Variants in ADAMTSL1 observed in about 807,000 individuals in gnomAD.
ADAMTSL1 encodes the protein ADAMTS-like protein 1.
Under a neutral mutation model 201.8 loss-of-function variants are expected in ADAMTSL1, and 126 were observed. That is an observed-to-expected ratio of 0.62 (90% CI 0.54 to 0.72). The LOEUF is 0.72. Among genes scored for constraint, ADAMTSL1 ranks in the 30% least tolerant of loss-of-function variants. ADAMTSL1 has a pLI of 0.00. For missense variants in ADAMTSL1, 2,679 were observed against 2,277.8 expected, an observed-to-expected ratio of 1.18 and a Z score of -3.59; for synonymous variants, 1,121 against 903.4, an observed-to-expected ratio of 1.24 and a Z score of -4.32.
chr9:18,717,842 C>G, intron 14 of ADAMTSL1: 1 of 703,028 alleles, frequency 1.4e-6, no homozygotes, highest in Non-Finnish European at 2.6e-6. Flanking sequence ...CTTTCATATG[C>G]TCTTAAAGGG....
intron 3 of ADAMTSL1, among the ~76,000 whole-genome samples, chr9:18,552,807 A>G (rs765656093): frequency 1.3e-5 from 2 of 151,488 alleles, no homozygotes; most frequent in Non-Finnish European, 3.0e-5. Context: ...TTTTTGCCTT[A>G]ATGTATAGTT....
At chr9:18,113,697 A>G (rs763974346) in intron 1 of ADAMTSL1, among the ~76,000 whole-genome samples, 7 of 152,266 alleles carry the variant, frequency 4.6e-5, no homozygotes, top group Non-Finnish European at 7.4e-5. Flanking sequence ...AAAATTAAAC[A>G]TCTAAATACT....
chr9:18,214,767 A>G (rs777953004), intron 2 of ADAMTSL1, among the ~76,000 whole-genome samples: 6 of 152,224 alleles, frequency 3.9e-5, no homozygotes, highest in Non-Finnish European at 8.8e-5. Flanking sequence ...AAAATATTTC[A>G]AAACATTTTA....
intron 1 of ADAMTSL1, among the ~76,000 whole-genome samples, chr9:17,914,488 C>G (rs1160413927): frequency 6.6e-6 from 1 of 152,144 alleles, no homozygotes; most frequent in Non-Finnish European, 1.5e-5. Flanking sequence ...ATGCTAAAAA[C>G]TCTCAATAAA....
At chr9:18,371,591 T>C (rs991524949) in intron 2 of ADAMTSL1, among the ~76,000 whole-genome samples, 3 of 152,236 alleles carry the variant, frequency 2.0e-5, no homozygotes, top group African/African-American at 7.2e-5. Flanking sequence ...TGAACATATA[T>C]TGTTAAACAC....
intron 5 of ADAMTSL1, among the ~76,000 whole-genome samples, chr9:18,625,741 A>G (rs760015152): frequency 2.6e-5 from 4 of 152,216 alleles, no homozygotes; most frequent in Middle Eastern, 3.2e-3. Flanking sequence ...CCTATTTGCT[A>G]TCAATTTGAT....
At chr9:18,195,153 G>T (rs1182397528) in intron 2 of ADAMTSL1, among the ~76,000 whole-genome samples, 1 of 152,098 alleles carries the variant, frequency 6.6e-6, no homozygotes, top group Non-Finnish European at 1.5e-5. Flanking sequence ...TTTGAGGAAT[G>T]AGGGGTCACA....
intron 1 of ADAMTSL1, among the ~76,000 whole-genome samples, chr9:18,133,061 C>G (rs1258979355): frequency 6.6e-6 from 1 of 152,020 alleles, no homozygotes; most frequent in Non-Finnish European, 1.5e-5. Flanking sequence ...GACTGTGGAG[C>G]CAGGGTTCAG....
At chr9:18,472,756 T>C (rs914005256), upstream of ADAMTSL1, among the ~76,000 whole-genome samples, 4 of 152,222 alleles carry the variant, frequency 2.6e-5, no homozygotes, top group Non-Finnish European at 5.9e-5. Context: ...TAATTCTAAA[T>C]GTCTTGTACC....
chr9:18,483,651 C>G (rs1456675976), intron 1 of ADAMTSL1, among the ~76,000 whole-genome samples: 1 of 152,066 alleles, frequency 6.6e-6, no homozygotes, highest in East Asian at 1.9e-4. Flanking sequence ...CACGGTGAAA[C>G]CCTATCTCTA....
intron 2 of ADAMTSL1, among the ~76,000 whole-genome samples, chr9:18,284,397 C>T (rs1832917921): frequency 6.6e-6 from 1 of 152,042 alleles, no homozygotes; most frequent in East Asian, 1.9e-4. Flanking sequence ...TTTTTTCTAC[C>T]ATTAGAACTT....
intron 7 of ADAMTSL1, 23 bp downstream of exon 7, chr9:18,639,434 C>G (rs1587766691): frequency 6.2e-7 from 1 of 1,601,198 alleles, no homozygotes; most frequent in African/African-American, 1.3e-5. Flanking sequence ...TAGATACCTC[C>G]TTTTCAAGCC....
intron 2 of ADAMTSL1, among the ~76,000 whole-genome samples, chr9:18,281,718 C>A (rs187747108): frequency 6.6e-6 from 1 of 152,116 alleles, no homozygotes; most frequent in Non-Finnish European, 1.5e-5. Context: ...TGTCCATGTT[C>A]AATTGAGTTC....
chr9:18,447,471 G>A (rs762278501), intron 2 of ADAMTSL1, among the ~76,000 whole-genome samples: 6 of 152,094 alleles, frequency 3.9e-5, no homozygotes, highest in Non-Finnish European at 8.8e-5. Context: ...GTGGGGAAGA[G>A]GGAGGGAGGG....
intron 1 of ADAMTSL1, among the ~76,000 whole-genome samples, chr9:18,491,129 C>G (rs146069609): frequency 3.3e-4 from 50 of 152,264 alleles, no homozygotes; most frequent in Middle Eastern, 6.8e-3. Context: ...AGGCCCAGCA[C>G]CAGAGACAGA....
rs953565525 is a variant in ADAMTSL1 at position 18,396,971 on chromosome 9, C to T, written c.208-107858C>T. On this transcript the variant is annotated intron_variant, in intron 2 of 29. Coordinates refer to the ADAMTSL1 transcript ENST00000680146. ...CTATATGCACTATGCCTCTTTATAT[C>T]GTAACATTGATCTGGCTCTTGTATT... 2.6e-5 allele frequency among the ~76,000 whole-genome samples: 4 copies of T among 151,574 alleles called. No homozygotes were observed. In the South Asian group the frequency reaches 6.2e-4, roughly 24 times the overall value.
At chr9:18,366,555 G>A (rs1018856852) in intron 2 of ADAMTSL1, among the ~76,000 whole-genome samples, 3 of 148,604 alleles carry the variant, frequency 2.0e-5, no homozygotes, top group East Asian at 2.0e-4. Flanking sequence ...TATTCATTGT[G>A]GTATGTTAAT....
chr9:18,455,207 C>T (rs1820555448), intron 2 of ADAMTSL1, among the ~76,000 whole-genome samples: 1 of 152,160 alleles, frequency 6.6e-6, no homozygotes, highest in Admixed American at 6.5e-5. Flanking sequence ...CACTTAGTAA[C>T]ATTATGATTT....
intron 1 of ADAMTSL1, among the ~76,000 whole-genome samples, chr9:18,155,386 A>G (rs905897846): frequency 5.3e-5 from 8 of 152,018 alleles, no homozygotes; most frequent in African/African-American, 1.9e-4. Context: ...CTGGGTGATG[A>G]TGATGGAGAT....
Sources: gnomAD v4.1 joint callset for allele counts (sites outside exome capture counted in the v4.1 genomes callset) on GRCh38, gnomAD v4.1.1 for gene constraint, MANE v1.5 for transcripts, NCBI Gene and HGNC (gene_info 2026-07-23, HGNC 2026-07-21) for gene names.